Variants in PPM1H observed in about 807,000 individuals in gnomAD.
PPM1H encodes protein phosphatase, Mg2+/Mn2+ dependent 1H.
In PPM1H, 27 loss-of-function variants were observed where a neutral mutation model predicts 54.9. The observed-to-expected ratio is 0.49, with a 90% CI of 0.36 to 0.68. PPM1H has a LOEUF of 0.68. PPM1H is among the 30% of genes least tolerant of loss of function. The pLI, the probability that PPM1H is intolerant of heterozygous loss-of-function variation, is 0.00. For missense variants in PPM1H, 596 were observed against 667.8 expected, an observed-to-expected ratio of 0.89 and a Z score of 1.19; for synonymous variants, 305 against 270.8, an observed-to-expected ratio of 1.13 and a Z score of -1.24.
At chr12:62,839,128 T>A (rs996164584) in intron 1 of PPM1H, among the ~76,000 whole-genome samples, 2 of 152,034 alleles carry the variant, frequency 1.3e-5, no homozygotes, top group African/African-American at 4.8e-5. Flanking sequence ...TCATGACTTG[T>A]GTGGTAGTGT....
intron 4 of PPM1H, among the ~76,000 whole-genome samples, chr12:62,746,335 T>G (rs1336473370): frequency 6.6e-6 from 1 of 152,212 alleles, no homozygotes; most frequent in Non-Finnish European, 1.5e-5. Flanking sequence ...GCTCTGACAG[T>G]ATATATCCAG....
intron 4 of PPM1H, among the ~76,000 whole-genome samples, chr12:62,745,872 G>A (rs1455156942): frequency 6.6e-6 from 1 of 152,118 alleles, no homozygotes; most frequent in African/African-American, 2.4e-5. Context: ...TTTGATTGAA[G>A]GTTAGATCTT....
At position 62,644,257 on chromosome 12, in the gene PPM1H, C is replaced by T. The variant is rs2075773714; in HGVS notation, c.*4232G>A. ...TAGTTTTGGAAACCCAGACCATGAT[C>T]CATTCCTTACAAATGATCTCCACCA... On this transcript the variant is annotated 3_prime_UTR_variant, in exon 10 of 10. Coordinates refer to ENST00000228705, the MANE Select transcript of PPM1H (RefSeq NM_020700.2). 1 of 152,122 alleles carries T rather than the reference C, an allele frequency of 6.6e-6. No individual in the cohort carries two copies. Among genetic ancestry groups the T allele is most frequent in the African/African-American group, 2.4e-5 (1 of 41,404 alleles). 9.4% of individuals were successfully genotyped at this position (152,122 alleles called of 1,614,324 possible).
intron 1 of PPM1H, among the ~76,000 whole-genome samples, chr12:62,836,820 G>T (rs1454270342): frequency 2.6e-5 from 4 of 152,076 alleles, no homozygotes; most frequent in African/African-American, 9.7e-5. Context: ...ATCTGCCCTG[G>T]GAGAGACACA....
chr12:62,720,277 G>T lies in PPM1H; in HGVS notation c.967C>A (p.Pro323Thr). The part of the protein sequence containing the change: ...QRLQYLAFMQ[P>T]HLLGNEFTHL... ...GTGAACTCATTTCCCAGCAAGTGAG[G>T]CTGCATGAATGCCTAATAGCAAAAA... is the stretch of plus-strand genomic sequence containing the variant. The change falls in exon 6 of 10, where the codon CCT (proline) becomes ACT (threonine). Residue 323 changes from proline to threonine, a missense_variant. By Grantham distance (38) the Pro-to-Thr change is conservative. Transcript: ENST00000228705. 6.2e-7 allele frequency: 1 copy of T among 1,611,392 alleles called. No homozygotes were observed. Among genetic ancestry groups the T allele is most frequent in the Non-Finnish European group, 8.5e-7 (1 of 1,177,684 alleles).
Position 62,801,863 on chromosome 12 carries a change from G to C in PPM1H, c.709C>G (p.His237Asp). 1.9e-6 allele frequency: 3 copies of C among 1,613,930 alleles called. No individual in the cohort carries two copies. The South Asian group carries it at 3.3e-5, about 18-fold the overall frequency. Residue 237 changes from histidine to aspartate, a missense_variant, in exon 3 of 10, where the codon CAT becomes GAT. Coordinates refer to ENST00000228705, the MANE Select transcript of PPM1H (RefSeq NM_020700.2). ...AGCGCTCCGATGACCAGGCACTCATGGGGAATCTTCTTCTCGGTAAAGAAG... is the reference window on the plus strand; with the variant it reads ...AGCGCTCCGATGACCAGGCACTCATCGGGAATCTTCTTCTCGGTAAAGAAG... ...TRFFTEKKIPHECLVIGALES... is the reference protein window; with the variant it reads ...TRFFTEKKIPDECLVIGALES...
In PPM1H at chr12:62,811,997, G is replaced by T. The variant is rs74764440; in HGVS notation, c.412-9837C>A. ...TGAAACTGGGGTACAGATAGTTTAA[G>T]TAACTCTGCTGGTATGTGGCAGAGA... is the stretch of plus-strand genomic sequence containing the variant. On this transcript the variant is annotated intron_variant, in intron 2 of 9. Coordinates refer to ENST00000228705, the MANE Select transcript of PPM1H (RefSeq NM_020700.2). Among the ~76,000 whole-genome samples, 1,195 of 152,302 alleles carry T rather than the reference G, an allele frequency of 7.8e-3. 19 individuals carry two copies. The highest frequency in any genetic ancestry group is 0.027 in the African/African-American group (1,128 of 41,550).
intron 6 of PPM1H, among the ~76,000 whole-genome samples, chr12:62,702,645 C>G (rs534408432): frequency 6.6e-6 from 1 of 151,602 alleles, no homozygotes; most frequent in East Asian, 1.9e-4. Flanking sequence ...TTAAGAGGAA[C>G]GAGAGGAACG....
chr12:62,929,326 A>G (rs1872061930), intron 1 of PPM1H, among the ~76,000 whole-genome samples: 1 of 152,170 alleles, frequency 6.6e-6, no homozygotes, highest in South Asian at 2.1e-4. Flanking sequence ...CAGATGAATG[A>G]TTATTTCCTG....
chr12:62,655,842 G>C (rs1433152404), intron 9 of PPM1H, among the ~76,000 whole-genome samples: 1 of 152,212 alleles, frequency 6.6e-6, no homozygotes, highest in Non-Finnish European at 1.5e-5. Flanking sequence ...CTCCCCAGGA[G>C]ACATGTTTTG....
At chr12:62,726,027 T>C (rs139431839) in intron 5 of PPM1H, among the ~76,000 whole-genome samples, 1 of 152,196 alleles carries the variant, frequency 6.6e-6, no homozygotes, top group Non-Finnish European at 1.5e-5. Flanking sequence ...TAAGTACTCC[T>C]TGTGTACCTG....
chr12:62,657,478 A>G (rs2075851491), intron 9 of PPM1H, among the ~76,000 whole-genome samples: 1 of 152,158 alleles, frequency 6.6e-6, no homozygotes, highest in Admixed American at 6.5e-5. Context: ...CCAGGACCTC[A>G]GGCTGATTTC....
At chr12:62,648,796 G>A (rs1225130519) in intron 9 of PPM1H, among the ~76,000 whole-genome samples, 160 bp from the exon 10 acceptor site, 1 of 152,226 alleles carries the variant, frequency 6.6e-6, no homozygotes, top group Non-Finnish European at 1.5e-5. Context: ...CCAAAATGTA[G>A]GACACCTAAT....
intron 1 of PPM1H, among the ~76,000 whole-genome samples, chr12:62,867,439 C>G (rs1869815624): frequency 6.6e-6 from 1 of 152,068 alleles, no homozygotes; most frequent in Admixed American, 6.6e-5. Flanking sequence ...CTTCCTGCCT[C>G]CTCCCATAGA....
chr12:62,799,240 G>A (rs1216075036), intron 3 of PPM1H, among the ~76,000 whole-genome samples: 1 of 152,160 alleles, frequency 6.6e-6, no homozygotes, highest in Non-Finnish European at 1.5e-5. Context: ...CAGCACAGTT[G>A]TTAAGAGCAA....
rs1446143684 is a variant in PPM1H, at chr12:62,911,505, G to A, written c.245+22987C>T. 3.3e-5 allele frequency among the ~76,000 whole-genome samples: 5 copies of A among 152,246 alleles called. 1 individual carries two copies. The highest frequency in any genetic ancestry group is 1.2e-4 in the African/African-American group (5 of 41,538). On this transcript the variant is annotated intron_variant, in intron 1 of 9. Transcript: ENST00000228705. ...CGAGTCAGCATTACCTGACAAGTCC[G>A]TTTGGAGATCTTACAGTGTGTGAGG...
chr12:62,765,668 C>A (rs2076538218), intron 4 of PPM1H, among the ~76,000 whole-genome samples: 1 of 152,078 alleles, frequency 6.6e-6, no homozygotes, highest in Admixed American at 6.6e-5. Flanking sequence ...AAAAGTGAAG[C>A]AAAAGAAATA....
chr12:62,897,379 A>G (rs899817734), intron 1 of PPM1H, among the ~76,000 whole-genome samples: 1 of 152,222 alleles, frequency 6.6e-6, no homozygotes, highest in Admixed American at 6.5e-5. Context: ...GGCAAGCAGT[A>G]TCTGTGGGAC....
intron 6 of PPM1H, among the ~76,000 whole-genome samples, chr12:62,710,057 A>G (rs2076198639): frequency 6.7e-6 from 1 of 149,852 alleles, no homozygotes; most frequent in African/African-American, 2.5e-5. Flanking sequence ...CTGGGCAACA[A>G]GAGTGAAACT....
Sources: gnomAD v4.1 joint callset for allele counts (sites outside exome capture counted in the v4.1 genomes callset) on GRCh38, gnomAD v4.1.1 for gene constraint, MANE v1.5 for transcripts, NCBI Gene and HGNC (gene_info 2026-07-23, HGNC 2026-07-21) for gene names.